The following GALNT13 variants were observed in gnomAD, a reference collection of about 807,000 sequenced individuals.
GALNT13 encodes the protein UDP-GalNAc:polypeptide N-acetylgalactosaminyltransferase 13.
In GALNT13, 28 loss-of-function variants were observed where a neutral mutation model predicts 64.2. The ratio of observed to expected loss-of-function variants is 0.44; its 90% CI spans 0.32 to 0.60. The LOEUF (loss-of-function observed/expected upper bound fraction) is 0.60, where lower values mean the gene tolerates loss of function less well. Ranked by LOEUF, GALNT13 falls within the 20% of genes least tolerant of loss-of-function variation. The probability of loss-of-function intolerance (pLI) is 0.05; values close to 1 mark genes in which losing one functional copy is unlikely to be tolerated. For missense variants in GALNT13, 577 were observed against 669.8 expected (o/e 0.86, Z 1.53); for synonymous variants, 214 against 224.6 (o/e 0.95, Z 0.42).
the GALNT13 span, among the ~76,000 whole-genome samples, chr2:153,344,869 A>G: frequency 6.6e-6 from 1 of 152,220 alleles, no homozygotes; most frequent in Non-Finnish European, 1.5e-5. Flanking sequence ...CATTAAATGT[A>G]TACAATTTGA....
the GALNT13 span, chr2:153,477,892 C>T: frequency 6.3e-6 from 2 of 317,994 alleles, no homozygotes; most frequent in Admixed American, 9.1e-5. Context: ...GCCCTCTCCA[C>T]CTGCCCCCAG....
chr2:153,959,981 C>A (rs1376034978), intron 3 of GALNT13, among the ~76,000 whole-genome samples: 80 of 152,172 alleles, frequency 5.3e-4, no homozygotes, highest in Admixed American at 5.2e-3. Flanking sequence ...GAGGGGCCTG[C>A]ATGGCCAGTA....
At chr2:153,332,245 C>G in the GALNT13 span, among the ~76,000 whole-genome samples, 1 of 152,154 alleles carries the variant, frequency 6.6e-6, no homozygotes, top group African/African-American at 2.4e-5. Flanking sequence ...TCTTGTTTTT[C>G]TAGGTCCTCT....
At chr2:154,274,341 G>A (rs945210882) in intron 8 of GALNT13, among the ~76,000 whole-genome samples, 1 of 152,152 alleles carries the variant, frequency 6.6e-6, no homozygotes, top group Admixed American at 6.5e-5. Context: ...AAGGGTATAT[G>A]TAGTCTTGTG....
At chr2:153,188,103 T>C in the GALNT13 span, among the ~76,000 whole-genome samples, 2 of 152,142 alleles carry the variant, frequency 1.3e-5, no homozygotes, top group East Asian at 3.9e-4. Flanking sequence ...AAAATCATAT[T>C]TACTGGTGAA....
At chr2:153,783,178 T>G in the GALNT13 span, among the ~76,000 whole-genome samples, 1 of 152,218 alleles carries the variant, frequency 6.6e-6, no homozygotes, top group African/African-American at 2.4e-5. Flanking sequence ...GAGGATACAT[T>G]TCTGAGCTAG....
chr2:154,229,101 A>G (rs1181763194), intron 4 of GALNT13, among the ~76,000 whole-genome samples: 7 of 151,908 alleles, frequency 4.6e-5, no homozygotes. Context: ...TTTTCTTGGC[A>G]CTTCAGTTCT....
chr2:153,199,134 G>T, the GALNT13 span, among the ~76,000 whole-genome samples: 1 of 152,166 alleles, frequency 6.6e-6, no homozygotes, highest in Non-Finnish European at 1.5e-5. Flanking sequence ...CAGGTTTCTT[G>T]GGTCGGCCCT....
At chr2:153,102,543 T>TA in the GALNT13 span, among the ~76,000 whole-genome samples, 6 of 152,188 alleles carry the variant, frequency 3.9e-5, no homozygotes, top group African/African-American at 1.4e-4. Context: ...AAGAACATAG[T>TA]AAAAATCTGG....
At chr2:154,147,847 A>G (rs915443891) in intron 4 of GALNT13, among the ~76,000 whole-genome samples, 1 of 149,184 alleles carries the variant, frequency 6.7e-6, no homozygotes, top group African/African-American at 2.5e-5. Flanking sequence ...AATATTATCC[A>G]CTATCATGGT....
At chr2:154,387,245 A>C (rs1163610233) in intron 9 of GALNT13, among the ~76,000 whole-genome samples, 2 of 152,134 alleles carry the variant, frequency 1.3e-5, no homozygotes, top group East Asian at 1.9e-4. Context: ...TAATTCCAAG[A>C]AATCGCCTAA....
Position 154,101,991 on chromosome 2 carries a change from C to A in GALNT13, c.143-38346C>A, listed in dbSNP as rs115079220. Among the ~76,000 whole-genome samples the A allele has an allele frequency of 2.4e-3, 372 of 152,134 alleles. 4 individuals are homozygous for A. The highest frequency in any genetic ancestry group is 8.1e-3 in the African/African-American group (338 of 41,510). On this transcript the variant is annotated intron_variant, in intron 3 of 12. Coordinates refer to ENST00000392825, the MANE Select transcript of GALNT13 (RefSeq NM_052917.4). ...GGTGTTGATTTCTCATTTTAGTTCA[C>A]CCTGCTTCAATAAGGTACTTGATAT...
intron 3 of GALNT13, among the ~76,000 whole-genome samples, chr2:154,044,168 AAAG>A (rs1207206898): frequency 6.6e-6 from 1 of 152,184 alleles, no homozygotes; most frequent in Non-Finnish European, 1.5e-5. Context: ...CATTTTGAGA[AAAG>A]AAGATGATGA....
chr2:153,213,070 T>C, the GALNT13 span, among the ~76,000 whole-genome samples: 20,330 of 152,232 alleles, frequency 0.13, 1,556 homozygotes, highest in Middle Eastern at 0.19. Context: ...ATCGAGTACC[T>C]ACTATGGTCA....
At chr2:153,991,870 G>A (rs890593673) in intron 3 of GALNT13, among the ~76,000 whole-genome samples, 8 of 152,108 alleles carry the variant, frequency 5.3e-5, no homozygotes, top group Non-Finnish European at 8.8e-5. Context: ...GGATCAGGGT[G>A]TTGAAGGTCA....
intron 4 of GALNT13, among the ~76,000 whole-genome samples, chr2:154,162,597 G>GTT: frequency 6.6e-6 from 1 of 152,178 alleles, no homozygotes; most frequent in South Asian, 2.1e-4. Flanking sequence ...GGTAGACAGA[G>GTT]ATAGGGTCTT....
Position 154,242,103 on chromosome 2 carries a change from A to C in GALNT13, c.385A>C (p.Ser129Arg). 6.2e-7 allele frequency: 1 copy of C among 1,612,272 alleles called. No homozygotes were observed. Among genetic ancestry groups the C allele is most frequent in the Non-Finnish European group, 8.5e-7 (1 of 1,178,550 alleles). ...CATTGTGTTTCATAATGAAGCTTGG[A>C]GCACTCTCCTTAGAACTGTTTACAG... ...VVIVFHNEAW[S>R]TLLRTVYSVI... Residue 129 changes from serine (S) to arginine (R), a missense_variant, in exon 5 of 13, where the codon AGC (serine) becomes CGC (arginine). Physicochemically the swap from Ser to Arg is moderately radical, Grantham distance 110. Around this residue, in one of 3 missense-constraint regions of GALNT13, gnomAD observed 341 missense variants for 379.3 expected, o/e 0.90. Transcript: ENST00000392825.
the GALNT13 span, among the ~76,000 whole-genome samples, chr2:153,589,445 A>C: frequency 2.6e-5 from 4 of 151,992 alleles, no homozygotes; most frequent in African/African-American, 9.6e-5. Context: ...AACTGTTCCA[A>C]CCTCTGCCCT....
chr2:153,950,019 A>G (rs1692054934), intron 3 of GALNT13, among the ~76,000 whole-genome samples: 2 of 151,204 alleles, frequency 1.3e-5, no homozygotes, highest in African/African-American at 4.9e-5. Context: ...TTAGACATCT[A>G]TAAGACCTTG....
Sources: allele counts gnomAD v4.1 joint callset (sites outside exome capture counted in the v4.1 genomes callset), GRCh38; gene constraint gnomAD v4.1.1; regional missense constraint gnomAD v4.1.1; transcripts MANE v1.5; gene names NCBI Gene and HGNC (gene_info 2026-07-23, HGNC 2026-07-21).